Variants in TMEM17 observed in about 807,000 individuals in gnomAD.
TMEM17 encodes transmembrane protein 17.
Under a neutral mutation model 19.1 loss-of-function variants are expected in TMEM17, and 15 were observed. The ratio of observed to expected loss-of-function variants is 0.78; its 90% CI spans 0.52 to 1.21. The LOEUF (loss-of-function observed/expected upper bound fraction) is 1.21, where lower values mean the gene tolerates loss of function less well. Among genes scored for constraint, TMEM17 ranks in the 50% most tolerant of loss-of-function variants. The probability of loss-of-function intolerance (pLI) is 0.00; values close to 1 mark genes in which losing one functional copy is unlikely to be tolerated. For synonymous variants in TMEM17, 103 were observed against 86.9 expected (o/e 1.19, Z -1.03); for missense variants, 245 against 242.3 (o/e 1.01, Z -0.07).
At chr2:62,479,057 T>A in the TMEM17 span, among the ~76,000 whole-genome samples, 1 of 152,246 alleles carries the variant, frequency 6.6e-6, no homozygotes, top group Non-Finnish European at 1.5e-5. Context: ...ACATGTATCA[T>A]TTCTTCGTGT....
At chr2:62,488,143 T>C in the TMEM17 span, among the ~76,000 whole-genome samples, 34 of 152,200 alleles carry the variant, frequency 2.2e-4, no homozygotes, top group Non-Finnish European at 4.0e-4. Context: ...CTGTCAGACC[T>C]GGATTCAGAT....
At chr2:62,499,263 G>A (rs1302117168), downstream of TMEM17, among the ~76,000 whole-genome samples, 2 of 152,084 alleles carry the variant, frequency 1.3e-5, no homozygotes, top group Non-Finnish European at 2.9e-5. Flanking sequence ...TGTACCAGAA[G>A]TTCTGCTATT....
At chr2:62,485,941 A>G in the TMEM17 span, among the ~76,000 whole-genome samples, 1 of 152,228 alleles carries the variant, frequency 6.6e-6, no homozygotes, top group African/African-American at 2.4e-5. Flanking sequence ...TTACAAAGTG[A>G]ATGTTTAATT....
chr2:62,461,750 A>T, the TMEM17 span, among the ~76,000 whole-genome samples: 1 of 152,164 alleles, frequency 6.6e-6, no homozygotes, highest in East Asian at 1.9e-4. Context: ...TGTCCCGGTG[A>T]TTCAGACTGA....
chr2:62,490,970 T>C, the TMEM17 span, among the ~76,000 whole-genome samples: 1 of 144,260 alleles, frequency 6.9e-6, no homozygotes, highest in Non-Finnish European at 1.5e-5. Flanking sequence ...TCCCAGCTAC[T>C]AGGGAGGCTG....
chr2:62,487,901 G>C, the TMEM17 span, among the ~76,000 whole-genome samples: 2 of 152,150 alleles, frequency 1.3e-5, no homozygotes, highest in African/African-American at 4.8e-5. Flanking sequence ...CACCATGTTG[G>C]CCAGGCTGGT....
At chr2:62,484,777 C>A in the TMEM17 span, among the ~76,000 whole-genome samples, 4 of 152,112 alleles carry the variant, frequency 2.6e-5, no homozygotes, top group African/African-American at 9.7e-5. Flanking sequence ...CTACTGAAAT[C>A]CTGTTTTTAC....
chr2:62,466,293 G>A, the TMEM17 span, among the ~76,000 whole-genome samples: 9 of 152,230 alleles, frequency 5.9e-5, no homozygotes, highest in East Asian at 1.2e-3. Flanking sequence ...CAGTGAAAGC[G>A]GAACCTTCCT....
the TMEM17 span, among the ~76,000 whole-genome samples, chr2:62,466,238 A>G: frequency 6.6e-6 from 1 of 151,966 alleles, no homozygotes; most frequent in Non-Finnish European, 1.5e-5. Context: ...GCAGGGTGGT[A>G]GTGGTGGGGG....
the TMEM17 span, among the ~76,000 whole-genome samples, chr2:62,470,398 T>C: frequency 6.6e-6 from 1 of 152,244 alleles, no homozygotes; most frequent in Non-Finnish European, 1.5e-5. Context: ...GAGTTCTCAA[T>C]TCCTGCTTCC....
At chr2:62,457,061 G>T in the TMEM17 span, among the ~76,000 whole-genome samples, 2 of 152,330 alleles carry the variant, frequency 1.3e-5, no homozygotes, top group Middle Eastern at 3.4e-3. The surrounding 1 kb of genome is among the most constrained non-coding windows in gnomAD (Gnocchi z 4.2). Context: ...TCCCGGTCCC[G>T]GGCCTCTCTG....
the TMEM17 span, among the ~76,000 whole-genome samples, chr2:62,485,906 CAAG>C: frequency 6.6e-6 from 1 of 152,198 alleles, no homozygotes; most frequent in Admixed American, 6.5e-5. Context: ...TGTGTCATTT[CAAG>C]AAGATTTGCA....
chr2:62,476,301 C>A, the TMEM17 span, among the ~76,000 whole-genome samples: 2 of 152,226 alleles, frequency 1.3e-5, no homozygotes, highest in Non-Finnish European at 2.9e-5. Flanking sequence ...TGGAAGCTTG[C>A]AGCCTGACTC....
intron 1 of TMEM17, among the ~76,000 whole-genome samples, chr2:62,504,910 A>G (rs1027339132): frequency 6.6e-6 from 1 of 152,206 alleles, no homozygotes. Flanking sequence ...CATATGGCCT[A>G]CAAAGTCTAA....
the TMEM17 span, among the ~76,000 whole-genome samples, chr2:62,490,911 T>A: frequency 2.0e-5 from 3 of 151,812 alleles, no homozygotes; most frequent in Non-Finnish European, 4.4e-5. Flanking sequence ...ACCCTGTCTC[T>A]ACTAAAAATG....
At chr2:62,496,246 G>A (rs1158850520), downstream of TMEM17, among the ~76,000 whole-genome samples, 1 of 151,986 alleles carries the variant, frequency 6.6e-6, no homozygotes, top group Non-Finnish European at 1.5e-5. Context: ...GTTTTAATTT[G>A]GCAATATGCC....
chr2:62,460,860 A>T, the TMEM17 span, among the ~76,000 whole-genome samples: 241 of 152,136 alleles, frequency 1.6e-3, 2 homozygotes, highest in East Asian at 0.035. Flanking sequence ...TGTGCCAGGC[A>T]CTCCGGAGAA....
chr2:62,470,353 T>C, the TMEM17 span, among the ~76,000 whole-genome samples: 1 of 152,222 alleles, frequency 6.6e-6, no homozygotes, highest in Non-Finnish European at 1.5e-5. Context: ...TGTAAGGTTC[T>C]GATCTGAATC....
At chr2:62,470,562 G>C in the TMEM17 span, among the ~76,000 whole-genome samples, 1 of 152,194 alleles carries the variant, frequency 6.6e-6, no homozygotes, top group Non-Finnish European at 1.5e-5. Flanking sequence ...ATGACAACCA[G>C]CCCTCACCTC....
Sources: gnomAD v4.1 joint callset for allele counts (sites outside exome capture counted in the v4.1 genomes callset) on GRCh38, gnomAD v4.1.1 for gene constraint, Gnocchi (gnomAD v3.1) non-coding constraint, MANE v1.5 for transcripts, NCBI Gene and HGNC (gene_info 2026-07-23, HGNC 2026-07-21) for gene names.